Variants in AGAP1 observed in about 807,000 individuals in gnomAD.
AGAP1 encodes the protein ArfGAP with GTPase domain, ankyrin repeat and PH domain 1.
Under a neutral mutation model 105.3 loss-of-function variants are expected in AGAP1, and 29 were observed. The ratio of observed to expected loss-of-function variants is 0.28; its 90% CI spans 0.21 to 0.38. The LOEUF (loss-of-function observed/expected upper bound fraction) is 0.38. Among genes scored for constraint, AGAP1 ranks in the 10% least tolerant of loss-of-function variants. AGAP1 has a pLI of 1.00. For synonymous variants in AGAP1, 509 were observed against 485.9 expected (o/e 1.05, Z -0.63); for missense variants, 998 against 1,165.1 (o/e 0.86, Z 2.09).
At chr2:236,059,387 C>CA (rs2058129146) in intron 16 of AGAP1, among the ~76,000 whole-genome samples, 1 of 152,176 alleles carries the variant, frequency 6.6e-6, no homozygotes, top group Admixed American at 6.5e-5. Context: ...CAGTACTCTT[C>CA]AAATCGATGT....
intron 12 of AGAP1, among the ~76,000 whole-genome samples, chr2:235,940,542 C>G (rs2053211493): frequency 6.6e-6 from 1 of 152,210 alleles, no homozygotes; most frequent in African/African-American, 2.4e-5. Context: ...CAGGCTTCCG[C>G]CCAGACGTCA....
intron 1 of AGAP1, chr2:235,670,132 G>T: frequency 1.7e-6 from 1 of 576,852 alleles, no homozygotes; most frequent in South Asian, 1.8e-5. Flanking sequence ...GCGAGCCCGC[G>T]TCGCCACCCG....
chr2:235,888,337 T>C lies in AGAP1; in HGVS notation c.1155+4888T>C, dbSNP rs75584210. Among the ~76,000 whole-genome samples the C allele has an allele frequency of 0.051, 7,736 of 152,112 alleles. 395 individuals carry two copies. Among genetic ancestry groups the C allele is most frequent in the African/African-American group, 0.13 (5,306 of 41,476 alleles). On this transcript the variant is annotated intron_variant, in intron 10 of 17. Transcript: ENST00000304032. This position sits in a 1 kb window ranked among gnomAD's most constrained non-coding sequence, Gnocchi z 4.8. ...CACAGGGATGTTCAGGCATAGTAGC[T>C]GATGTCAGAGGATTGCCTGTGTGGG...
Position 235,729,653 on chromosome 2 carries a change from C to T in AGAP1, c.311-11310C>T, listed in dbSNP as rs867825072. On this transcript the variant is annotated intron_variant, in intron 3 of 17. Coordinates refer to ENST00000304032, the MANE Select transcript of AGAP1 (RefSeq NM_001037131.3). The surrounding 1 kb of genome is among the most constrained non-coding windows in gnomAD (Gnocchi z 5.0). Reference sequence around the variant, plus strand: ...CAGAGGCCTGGAGACAACCTGCTGGCCTCCTTCCATTAAAGCCATTACAGT... The same window carrying T: ...CAGAGGCCTGGAGACAACCTGCTGGTCTCCTTCCATTAAAGCCATTACAGT... 6.6e-6 allele frequency among the ~76,000 whole-genome samples: 1 copy of T among 152,096 alleles called. No homozygotes were observed. The highest frequency in any genetic ancestry group is 2.4e-5 in the African/African-American group (1 of 41,376).
intron 16 of AGAP1, among the ~76,000 whole-genome samples, chr2:236,063,539 G>A (rs1331558351): frequency 5.9e-5 from 9 of 152,210 alleles, no homozygotes; most frequent in Admixed American, 1.3e-4. Flanking sequence ...AAATCTTGAC[G>A]AGATTATTTT....
rs1420442003 is a variant in AGAP1 at position 235,619,662 on chromosome 2, C to A, written c.164-89517C>A. On this transcript the variant is annotated intron_variant, in intron 1 of 17. Transcript: ENST00000304032. ...TGCAGCTCTTTTCCCCATGTCCACC[C>A]CTTTAATTTCATGAGCATCCTGGGC... is the stretch of plus-strand genomic sequence containing the variant. Among the ~76,000 whole-genome samples, 5 of 152,182 alleles carry A rather than the reference C, an allele frequency of 3.3e-5. No individual in the cohort carries two copies. The East Asian group carries it at 9.6e-4, about 29-fold the overall frequency.
chr2:235,956,551 T>G (rs1381100681), intron 12 of AGAP1, among the ~76,000 whole-genome samples: 2 of 150,794 alleles, frequency 1.3e-5, no homozygotes, highest in South Asian at 2.1e-4. Context: ...AAAGGAGAGA[T>G]ACCAGGAAAC....
At chr2:235,918,961 C>T (rs2052034360) in intron 11 of AGAP1, among the ~76,000 whole-genome samples, 1 of 152,114 alleles carries the variant, frequency 6.6e-6, no homozygotes, top group Non-Finnish European at 1.5e-5. Context: ...TGGCCAGGAC[C>T]TTGAGTTGGA....
At position 235,728,222 on chromosome 2, in the gene AGAP1, G is replaced by C. The variant is rs1052351491; in HGVS notation, c.310+10578G>C. ...ACATCAGGAGAATCTGAGATGTAGT[G>C]AAAGTGCCCCCAAGCTCCCCGCTCC... is the stretch of plus-strand genomic sequence containing the variant. On this transcript the variant is annotated intron_variant, in intron 3 of 17. Transcript: ENST00000304032. The surrounding 1 kb of genome is among the most constrained non-coding windows in gnomAD (Gnocchi z 4.3). Among the ~76,000 whole-genome samples the C allele has an allele frequency of 6.6e-5, 10 of 152,112 alleles. No individual in the cohort carries two copies. The highest frequency in any genetic ancestry group is 2.4e-4 in the African/African-American group (10 of 41,414).
chr2:235,573,179 C>T (rs977418109), intron 1 of AGAP1, among the ~76,000 whole-genome samples: 2 of 150,290 alleles, frequency 1.3e-5, no homozygotes, highest in Admixed American at 6.6e-5. Flanking sequence ...CAGCTCCCTG[C>T]ACCCTGGATC....
rs1333927235 is a variant in AGAP1, at chr2:235,662,303, C to T, written c.164-46876C>T. 1.3e-5 allele frequency among the ~76,000 whole-genome samples: 2 copies of T among 152,170 alleles called. No homozygotes were observed. The highest frequency in any genetic ancestry group is 2.9e-5 in the Non-Finnish European group (2 of 68,036). ...TTTAGAGAGTGTCTGTGCAGGCTGC[C>T]TCTGATCCCTCAGTCAGTGTGCAGA... On this transcript the variant is annotated intron_variant, in intron 1 of 17. Transcript: ENST00000304032. The surrounding 1 kb of genome is among the most constrained non-coding windows in gnomAD (Gnocchi z 4.2).
intron 6 of AGAP1, among the ~76,000 whole-genome samples, chr2:235,782,255 CA>C (rs1308822671): frequency 7.9e-5 from 9 of 113,664 alleles, no homozygotes; most frequent in African/African-American, 2.3e-4. Context: ...CACTCCTGCC[CA>C]TTTTTTTTTT....
intron 12 of AGAP1, among the ~76,000 whole-genome samples, chr2:235,966,769 T>C (rs1310574153): frequency 6.6e-6 from 1 of 151,992 alleles, no homozygotes; most frequent in Non-Finnish European, 1.5e-5. Context: ...AGCCCTCTTC[T>C]TCCATGTGTA....
intron 1 of AGAP1, among the ~76,000 whole-genome samples, chr2:235,548,353 A>G (rs929959590): frequency 2.6e-5 from 4 of 152,114 alleles, no homozygotes; most frequent in Non-Finnish European, 4.4e-5. Context: ...GCACTCTCCA[A>G]CTTACCTTCA....
At chr2:236,075,627 G>A (rs1018079152) in intron 16 of AGAP1, among the ~76,000 whole-genome samples, 3 of 152,108 alleles carry the variant, frequency 2.0e-5, no homozygotes, top group African/African-American at 7.2e-5. Flanking sequence ...GTGGCCTCCA[G>A]GGGAAGCCCC....
Position 235,769,983 on chromosome 2 carries a change from A to T in AGAP1, c.673+19495A>T, listed in dbSNP as rs1955292271. ...TAGCAAGTGTATCTCATATCTTCTG[A>T]ATACACACATTTAAACATGTTTTTG... On this transcript the variant is annotated intron_variant, in intron 6 of 17. Coordinates refer to ENST00000304032, the MANE Select transcript of AGAP1 (RefSeq NM_001037131.3). The surrounding 1 kb of genome is among the most constrained non-coding windows in gnomAD (Gnocchi z 4.4). Among the ~76,000 whole-genome samples, 1 of 152,256 alleles carries T rather than the reference A, an allele frequency of 6.6e-6. No homozygotes were observed. Among genetic ancestry groups the T allele is most frequent in the East Asian group, 1.9e-4 (1 of 5,196 alleles).
intron 16 of AGAP1, among the ~76,000 whole-genome samples, chr2:236,099,755 T>TA (rs1401407336): frequency 1.5e-4 from 23 of 151,920 alleles, no homozygotes; most frequent in African/African-American, 3.9e-4. Flanking sequence ...ATCAAGAATT[T>TA]GAGGCTGGGC....
chr2:235,576,216 A>T (rs760387299), intron 1 of AGAP1, among the ~76,000 whole-genome samples: 1 of 152,156 alleles, frequency 6.6e-6, no homozygotes, highest in Non-Finnish European at 1.5e-5. Context: ...CAAAGGTAGG[A>T]TAGGGGCTTT....
At chr2:236,029,646 G>A (rs1419754420) in intron 13 of AGAP1, among the ~76,000 whole-genome samples, 2 of 151,902 alleles carry the variant, frequency 1.3e-5, no homozygotes, top group East Asian at 3.9e-4. Flanking sequence ...GCACTTTTGG[G>A]TGTTTTTGCA....
Sources: gnomAD v4.1 joint callset for allele counts (sites outside exome capture counted in the v4.1 genomes callset) on GRCh38, gnomAD v4.1.1 for gene constraint, Gnocchi (gnomAD v3.1) non-coding constraint, MANE v1.5 for transcripts, NCBI Gene and HGNC (gene_info 2026-07-23, HGNC 2026-07-21) for gene names.